The following PCDHGB7 variants were observed in gnomAD, a reference collection of about 807,000 sequenced individuals.
PCDHGB7 encodes protocadherin gamma subfamily B, 7.
A neutral mutation model predicts 61.4 loss-of-function variants in PCDHGB7; 37 were observed. The observed-to-expected ratio is 0.60, with a 90% confidence interval of 0.46 to 0.79. The LOEUF is 0.79. Ranked by LOEUF, PCDHGB7 falls within the 30% of genes least tolerant of loss-of-function variation. The probability of loss-of-function intolerance (pLI) is 0.00; values close to 1 mark genes in which losing one functional copy is unlikely to be tolerated. For synonymous variants in PCDHGB7, 464 were observed against 503.5 expected, an observed-to-expected ratio of 0.92 and a Z score of 1.05; for missense variants, 1,166 against 1,202.5, an observed-to-expected ratio of 0.97 and a Z score of 0.45.
chr5:141,433,406 T>TC (rs397794347), intron 1 of PCDHGB7, among the ~76,000 whole-genome samples: 446 of 150,100 alleles, frequency 3.0e-3, no homozygotes, highest in African/African-American at 0.01. Context: ...TATCTATCTA[T>TC]TACTTTCTTG....
At chr5:141,484,135 A>G (rs181630887) in intron 1 of PCDHGB7, among the ~76,000 whole-genome samples, 6 of 152,270 alleles carry the variant, frequency 3.9e-5, no homozygotes, top group Admixed American at 1.3e-4. Flanking sequence ...GTGTCAGATA[A>G]AGGGAATTTG....
intron 1 of PCDHGB7, chr5:141,422,606 C>A: frequency 6.2e-7 from 1 of 1,613,904 alleles, no homozygotes; most frequent in Non-Finnish European, 8.5e-7. Context: ...TCTTACTCTG[C>A]CTACATTCCC....
chr5:141,490,497 C>G lies in PCDHGB7; in HGVS notation c.2416-4310C>G. The stretch of plus-strand genomic sequence containing the variant: ...CTTTGGACCGGGAGGCCACATCCCA[C>G]TATATCATCGAGCTGCTGGCCAGCG... On this transcript the variant is annotated intron_variant, in intron 1 of 3. Transcript: ENST00000398594. The surrounding 1 kb of genome is among the most constrained non-coding windows in gnomAD (Gnocchi z 5.4). 6.2e-7 allele frequency: 1 copy of G among 1,614,196 alleles called. No individual in the cohort carries two copies. Among genetic ancestry groups the G allele is most frequent in the South Asian group, 1.1e-5 (1 of 91,084 alleles).
Position 141,485,434 on chromosome 5 carries a change from G to T in PCDHGB7, c.2416-9373G>T. The stretch of plus-strand genomic sequence containing the variant: ...TGGACAGCGGAGCCCTGCTCATCAA[G>T]AACCCAATCGACCGAGAGGCACTGT... On this transcript the variant is annotated intron_variant, in intron 1 of 3. Transcript: ENST00000398594. This position sits in a 1 kb window ranked among gnomAD's most constrained non-coding sequence, Gnocchi z 5.7. The T allele has an allele frequency of 6.2e-7, 1 of 1,614,166 alleles. No homozygotes were observed. The highest frequency in any genetic ancestry group is 1.6e-4 in the Middle Eastern group (1 of 6,062).
At chr5:141,494,902 C>A (rs2099757367) in intron 2 of PCDHGB7, 37 bp downstream of exon 2, 1 of 1,614,024 alleles carries the variant, frequency 6.2e-7, no homozygotes, top group East Asian at 2.2e-5. Context: ...CTCTTCTCTG[C>A]GGCATTTTCT....
At position 141,477,961 on chromosome 5, in the gene PCDHGB7, C is replaced by T. The variant is rs199947431; in HGVS notation, c.2416-16846C>T. 21 of 1,614,048 alleles carry T rather than the reference C, an allele frequency of 1.3e-5. No homozygotes were observed. The Admixed American group carries it at 1.5e-4, about 12-fold the overall frequency. On this transcript the variant is annotated intron_variant, in intron 1 of 3. Coordinates refer to ENST00000398594, the MANE Select transcript of PCDHGB7 (RefSeq NM_018927.4). The surrounding 1 kb of genome is among the most constrained non-coding windows in gnomAD (Gnocchi z 4.9). Reference sequence around the variant, plus strand: ...CCTACAGTCTCTTGGGATCCCCTAACCAGAGCCTTTTTGCCATAGGGCTGC... The same window carrying T: ...CCTACAGTCTCTTGGGATCCCCTAATCAGAGCCTTTTTGCCATAGGGCTGC...
Position 141,487,229 on chromosome 5 carries a change from G to A in PCDHGB7, c.2416-7578G>A. On this transcript the variant is annotated intron_variant, in intron 1 of 3. Coordinates refer to ENST00000398594, the MANE Select transcript of PCDHGB7 (RefSeq NM_018927.4). The surrounding 1 kb of genome is among the most constrained non-coding windows in gnomAD (Gnocchi z 5.0). ...AGAATCTTCAGCTCCAAGGGAAGGA[G>A]AATCTCGTCTAACCCTCTACTTGGC... is the stretch of plus-strand genomic sequence containing the variant. The A allele has an allele frequency of 6.2e-7, 1 of 1,614,138 alleles. No individual in the cohort carries two copies. The highest frequency in any genetic ancestry group is 8.5e-7 in the Non-Finnish European group (1 of 1,179,994).
At chr5:141,488,599 C>T (rs1017044328) in intron 1 of PCDHGB7, among the ~76,000 whole-genome samples, 1 of 152,152 alleles carries the variant, frequency 6.6e-6, no homozygotes, top group Non-Finnish European at 1.5e-5. Flanking sequence ...CAAGACTTTA[C>T]AAGGTTCTTA....
chr5:141,423,234 C>A (rs1408925478), intron 1 of PCDHGB7: 1 of 1,613,800 alleles, frequency 6.2e-7, no homozygotes, highest in Non-Finnish European at 8.5e-7. Context: ...CCGACAGCAT[C>A]CCCGAAGTCC....
chr5:141,488,502 C>T (rs989368385), intron 1 of PCDHGB7, among the ~76,000 whole-genome samples: 2 of 152,146 alleles, frequency 1.3e-5, no homozygotes, highest in Non-Finnish European at 2.9e-5. Context: ...ACACTCATTC[C>T]ACATTTGGGG....
chr5:141,420,840 TC>T (rs1453160032), intron 1 of PCDHGB7, among the ~76,000 whole-genome samples: 1 of 152,250 alleles, frequency 6.6e-6, no homozygotes, highest in Admixed American at 6.5e-5. Flanking sequence ...TCGCAGGTGT[TC>T]TTGGTAAAGT....
Position 141,489,331 on chromosome 5 carries a change from C to G in PCDHGB7, c.2416-5476C>G. ...CTGCTGGGGCTGGGTGTCTGGGCAG[C>G]TTCGTTACTCAGTGGTGGAGGAGTC... On this transcript the variant is annotated intron_variant, in intron 1 of 3. Coordinates refer to ENST00000398594, the MANE Select transcript of PCDHGB7 (RefSeq NM_018927.4). The surrounding 1 kb of genome is among the most constrained non-coding windows in gnomAD (Gnocchi z 4.5). 1 of 1,605,478 alleles carries G rather than the reference C, an allele frequency of 6.2e-7. No homozygotes were observed. Among genetic ancestry groups the G allele is most frequent in the Non-Finnish European group, 8.5e-7 (1 of 1,174,878 alleles).
intron 3 of PCDHGB7, among the ~76,000 whole-genome samples, chr5:141,508,711 T>G (rs1201917424): frequency 6.6e-6 from 1 of 152,058 alleles, no homozygotes; most frequent in Admixed American, 6.5e-5. Flanking sequence ...CTCATTCTTT[T>G]CTGTGTGCAG....
At chr5:141,435,884 C>G (rs1020738994) in intron 1 of PCDHGB7, among the ~76,000 whole-genome samples, 9 of 152,070 alleles carry the variant, frequency 5.9e-5, no homozygotes, top group African/African-American at 1.9e-4. Flanking sequence ...ATTGGAAACC[C>G]CTTAGAGAAT....
In PCDHGB7 at chr5:141,489,515, G is replaced by A. The variant is rs983415025; in HGVS notation, c.2416-5292G>A. On this transcript the variant is annotated intron_variant, in intron 1 of 3. Coordinates refer to ENST00000398594, the MANE Select transcript of PCDHGB7 (RefSeq NM_018927.4). The surrounding 1 kb of genome is among the most constrained non-coding windows in gnomAD (Gnocchi z 4.5). ...CTGGCAGTGAATCAAAAGATTGACC[G>A]AGAAAGCCTATGTGGAGCCAGCACC... 2 of 1,614,104 alleles carry A rather than the reference G, an allele frequency of 1.2e-6. No homozygotes were observed. Among genetic ancestry groups the A allele is most frequent in the Non-Finnish European group, 8.5e-7 (1 of 1,180,034 alleles).
At position 141,486,791 on chromosome 5, in the gene PCDHGB7, C is replaced by T. The variant is rs766519569; in HGVS notation, c.2416-8016C>T. 1.8e-5 allele frequency: 29 copies of T among 1,614,108 alleles called. No homozygotes were observed. The highest frequency in any genetic ancestry group is 2.2e-5 in the Non-Finnish European group (26 of 1,180,054). On this transcript the variant is annotated intron_variant, in intron 1 of 3. Coordinates refer to ENST00000398594, the MANE Select transcript of PCDHGB7 (RefSeq NM_018927.4). The surrounding 1 kb of genome is among the most constrained non-coding windows in gnomAD (Gnocchi z 5.0). ...GCAGTTTGAGGTGCAGGCCCGGGAT[C>T]GGGGCAACCCACCCCTTAGCAGCAC...
chr5:141,450,006 C>CTTTT (rs1554136305), intron 1 of PCDHGB7, among the ~76,000 whole-genome samples: 4 of 132,984 alleles, frequency 3.0e-5, no homozygotes, highest in South Asian at 2.3e-4. Flanking sequence ...TGCCATGTCT[C>CTTTT]TTTTTTTTTT....
At chr5:141,456,821 A>G (rs1432134342) in intron 1 of PCDHGB7, among the ~76,000 whole-genome samples, 2 of 151,744 alleles carry the variant, frequency 1.3e-5, no homozygotes, top group Admixed American at 6.6e-5. Context: ...AAAATTAGCC[A>G]TCGTGGTAGT....
At chr5:141,501,570 G>C (rs1251110101) in intron 2 of PCDHGB7, among the ~76,000 whole-genome samples, 1 of 151,996 alleles carries the variant, frequency 6.6e-6, no homozygotes, top group African/African-American at 2.4e-5. Flanking sequence ...ATCATATTAG[G>C]CTGGCTTTCA....
Sources: allele counts gnomAD v4.1 joint callset (sites outside exome capture counted in the v4.1 genomes callset), GRCh38; gene constraint gnomAD v4.1.1; non-coding constraint Gnocchi (gnomAD v3.1); transcripts MANE v1.5; gene names NCBI Gene and HGNC (gene_info 2026-07-23, HGNC 2026-07-21).